The following KICS2 variants were observed in gnomAD, a reference collection of about 807,000 sequenced individuals.
KICS2 encodes KICSTOR subunit 2.
A neutral mutation model predicts 31.4 loss-of-function variants in KICS2; 13 were observed. The ratio of observed to expected loss-of-function variants is 0.41; its 90% CI spans 0.27 to 0.66. KICS2 has a LOEUF of 0.66. Among genes scored for constraint, KICS2 ranks in the 30% least tolerant of loss-of-function variants. The pLI is 0.28. For synonymous variants in KICS2, 209 were observed against 214.8 expected (o/e 0.97, Z 0.24); for missense variants, 455 against 545.4 (o/e 0.83, Z 1.65).
intron 2 of KICS2, among the ~76,000 whole-genome samples, chr12:64,211,291 G>A (rs2037579999): frequency 6.6e-6 from 1 of 152,100 alleles, no homozygotes. Context: ...ATATTTATAT[G>A]CATAGCCTAT....
rs1322683071 is a variant in KICS2, at chr12:64,196,358, A to C, written c.522-1700T>G. Among the ~76,000 whole-genome samples the C allele has an allele frequency of 2.4e-3, 368 of 151,680 alleles. 2 individuals carry two copies. Among genetic ancestry groups the C allele is most frequent in the South Asian group, 0.019 (93 of 4,806 alleles). On this transcript the variant is annotated intron_variant, in intron 2 of 2. Transcript: ENST00000398055. Reference sequence around the variant, plus strand: ...GGGGCAGACTGACACCTCACACGGCAGGGTATTCCAACAGACCTGCAGCTG... The same window carrying C: ...GGGGCAGACTGACACCTCACACGGCCGGGTATTCCAACAGACCTGCAGCTG...
chr12:64,216,065 C>G (rs764437423), intron 1 of KICS2, 102 bp from the exon 2 acceptor site: 7 of 1,115,910 alleles, frequency 6.3e-6, no homozygotes, highest in Non-Finnish European at 8.7e-6. Flanking sequence ...ACCCATTGAG[C>G]TCAGTAAGTT....
In KICS2 at chr12:64,193,926, G is replaced by A. The variant is rs759363969; in HGVS notation, c.1254C>T (p.His418=). Residue 418 remains histidine, a synonymous_variant, in exon 3 of 3, where the codon CAC becomes CAT. Coordinates refer to ENST00000398055, the MANE Select transcript of KICS2 (RefSeq NM_152440.5). Reference sequence around the variant, plus strand: ...AGACCTCATTGAGGAAGGAAATAAAGTGGGAGTCTCTCTCAGATTTCTTTG... The same window carrying A: ...AGACCTCATTGAGGAAGGAAATAAAATGGGAGTCTCTCTCAGATTTCTTTG... ...FESKKSERDS[H]FISFLNEVSL... 4 of 1,614,226 alleles carry A rather than the reference G, an allele frequency of 2.5e-6. No homozygotes were observed. Among genetic ancestry groups the A allele is most frequent in the Non-Finnish European group, 3.4e-6 (4 of 1,180,036 alleles).
chr12:64,220,150 G>A (rs547170307), intron 1 of KICS2, among the ~76,000 whole-genome samples: 1 of 152,284 alleles, frequency 6.6e-6, no homozygotes, highest in African/African-American at 2.4e-5. Context: ...AGCCCACCTA[G>A]GAACGTAACA....
At chr12:64,188,922 A>G (rs1436473677), downstream of KICS2, among the ~76,000 whole-genome samples, 1 of 152,166 alleles carries the variant, frequency 6.6e-6, no homozygotes, top group Non-Finnish European at 1.5e-5. Context: ...TGGGAGGCTG[A>G]GGCAAGCAGA....
At position 64,193,328 on chromosome 12, in the gene KICS2, C is replaced by G; in HGVS notation, c.*514G>C. On this transcript the variant is annotated 3_prime_UTR_variant, in exon 3 of 3. Coordinates refer to ENST00000398055, the MANE Select transcript of KICS2 (RefSeq NM_152440.5). ...CTTACCAAGACCCTAATTTTGGCAT[C>G]AAAAATGTTAATTTGTAGATCAGAA... 1.0e-6 allele frequency: 1 copy of G among 985,500 alleles called. No homozygotes were observed. Among genetic ancestry groups the G allele is most frequent in the Non-Finnish European group, 1.2e-6 (1 of 830,030 alleles). 61.0% of individuals were successfully genotyped at this position (985,500 alleles called of 1,614,324 possible).
chr12:64,220,539 TA>T (rs554991017), intron 1 of KICS2, among the ~76,000 whole-genome samples: 215 of 141,272 alleles, frequency 1.5e-3, no homozygotes, highest in South Asian at 2.7e-3. Flanking sequence ...GATAAGTTAA[TA>T]AAAAAAAAAA....
At chr12:64,201,478 A>G in intron 2 of KICS2, among the ~76,000 whole-genome samples, 1 of 98,610 alleles carries the variant, frequency 1.0e-5, no homozygotes. Flanking sequence ...GGGGGGAGGG[A>G]TAGCATTGGG....
At chr12:64,219,508 C>G (rs1172208930) in intron 1 of KICS2, among the ~76,000 whole-genome samples, 1 of 152,130 alleles carries the variant, frequency 6.6e-6, no homozygotes, top group African/African-American at 2.4e-5. Context: ...CTGCTTGCTT[C>G]TTTAATCAGG....
rs2037415769 is a variant in KICS2, at chr12:64,194,637, A to C, written c.543T>G (p.Ser181Arg). 1 of 1,612,534 alleles carries C rather than the reference A, an allele frequency of 6.2e-7. No homozygotes were observed. Among genetic ancestry groups the C allele is most frequent in the Non-Finnish European group, 8.5e-7 (1 of 1,178,914 alleles). Residue 181 changes from serine to arginine, a missense_variant, in exon 3 of 3, where the codon AGT becomes AGG. Ser to Arg is a moderately radical substitution (Grantham distance 110). Coordinates refer to ENST00000398055, the MANE Select transcript of KICS2 (RefSeq NM_152440.5). Reference protein sequence around the residue: ...YSSRFHHPILSPLESSFQLEV... With the variant: ...YSSRFHHPILRPLESSFQLEV... ...CCAGCTGGAAACTGCTTTCCAAAGG[A>C]CTGAGGATTGGGTGGTGAAATCTAA...
chr12:64,188,018 A>G (rs1450079541), downstream of KICS2, among the ~76,000 whole-genome samples: 1 of 152,192 alleles, frequency 6.6e-6, no homozygotes. Flanking sequence ...TGGTCACCCT[A>G]TTAGTATCAA....
At chr12:64,209,193 T>C (rs2037563859) in intron 2 of KICS2, among the ~76,000 whole-genome samples, 1 of 152,008 alleles carries the variant, frequency 6.6e-6, no homozygotes, top group Non-Finnish European at 1.5e-5. Context: ...ATATAATAAT[T>C]ATATTATTAA....
chr12:64,196,227 C>T lies in KICS2; in HGVS notation c.522-1569G>A, dbSNP rs368508626. 6.3e-4 allele frequency among the ~76,000 whole-genome samples: 95 copies of T among 151,932 alleles called. 2 individuals carry two copies. The highest frequency in any genetic ancestry group is 1.2e-3 in the East Asian group (6 of 5,146). ...CTGACAGCTTTGAAGAGAGCAGTGG[C>T]TCTCCCAGCACGCAGCTGGAGATCT... is the stretch of plus-strand genomic sequence containing the variant. On this transcript the variant is annotated intron_variant, in intron 2 of 2. Coordinates refer to ENST00000398055, the MANE Select transcript of KICS2 (RefSeq NM_152440.5).
chr12:64,213,537 C>G (rs1250432881), intron 2 of KICS2, among the ~76,000 whole-genome samples: 1 of 152,104 alleles, frequency 6.6e-6, no homozygotes, highest in Non-Finnish European at 1.5e-5. Flanking sequence ...ATGCTAATTT[C>G]CTTCAGAATA....
chr12:64,201,606 A>T (rs1409091561), intron 2 of KICS2, among the ~76,000 whole-genome samples: 791 of 78,082 alleles, frequency 0.01, 3 homozygotes, highest in Non-Finnish European at 0.015. Context: ...AAAGTATAAT[A>T]AAAAAAAAAA....
chr12:64,203,938 T>C (rs893155754), intron 2 of KICS2, among the ~76,000 whole-genome samples: 2 of 151,754 alleles, frequency 1.3e-5, no homozygotes, highest in South Asian at 2.1e-4. Context: ...TATGCAGCCA[T>C]AAAAAGGAAC....
intron 2 of KICS2, among the ~76,000 whole-genome samples, chr12:64,205,208 CCTT>C (rs1240673376): frequency 6.6e-6 from 1 of 152,174 alleles, no homozygotes; most frequent in Non-Finnish European, 1.5e-5. Context: ...CCAATGCTCT[CCTT>C]AAGAGGACAT....
chr12:64,195,729 G>A (rs61931231), intron 2 of KICS2, among the ~76,000 whole-genome samples: 5,936 of 96,574 alleles, frequency 0.061, no homozygotes, highest in African/African-American at 0.12. Context: ...AGTGGGCGCA[G>A]GCCAGTGGGT....
rs1395469637 is a variant in KICS2 at position 64,194,469 on chromosome 12, C to T, written c.711G>A (p.Lys237=). The T allele has an allele frequency of 3.1e-6, 5 of 1,614,070 alleles. No homozygotes were observed. Among genetic ancestry groups the T allele is most frequent in the Non-Finnish European group, 3.4e-6 (4 of 1,180,040 alleles). ...GAGACTGCCCTCCAAACAGATGTTT[C>T]TTGGTCTCCCGCTGTTTCTCAAAGA... ...GQIFEKQRET[K]KHLFGGQSQK... Residue 237 remains lysine (K), a synonymous_variant, in exon 3 of 3, where the codon AAG becomes AAA. Transcript: ENST00000398055.
Sources: gnomAD v4.1 joint callset for allele counts (sites outside exome capture counted in the v4.1 genomes callset) on GRCh38, gnomAD v4.1.1 for gene constraint, MANE v1.5 for transcripts, NCBI Gene and HGNC (gene_info 2026-07-23, HGNC 2026-07-21) for gene names.